CD47: variants seen among roughly 807,000 people sequenced by gnomAD.
The protein encoded by CD47 is CD47 molecule.
A neutral mutation model predicts 44.6 loss-of-function variants in CD47; 11 were observed. The observed-to-expected ratio is 0.25, with a 90% CI of 0.16 to 0.41. The LOEUF is 0.41. CD47 is among the 10% of genes least tolerant of loss of function. The pLI is 1.00. For missense variants in CD47, 306 were observed against 386.7 expected, an observed-to-expected ratio of 0.79 and a Z score of 1.75; for synonymous variants, 140 against 136.3, an observed-to-expected ratio of 1.03 and a Z score of -0.19.
rs575921253 is a variant in CD47, at chr3:108,073,957, A to T, written c.401-2775T>A. On this transcript the variant is annotated intron_variant, in intron 2 of 10. Transcript: ENST00000361309. Reference sequence around the variant, plus strand: ...AATGGGGATCCCGAAACCATGAGCAATGGCTAAAAGAACAGAGATTTTCAT... The same window carrying T: ...AATGGGGATCCCGAAACCATGAGCATTGGCTAAAAGAACAGAGATTTTCAT... Among the ~76,000 whole-genome samples the T allele has an allele frequency of 1.1e-4, 17 of 152,344 alleles. No individual in the cohort carries two copies. The South Asian group carries it at 3.5e-3, about 32-fold the overall frequency.
chr3:108,062,711 C>T (rs1206324064), intron 3 of CD47, among the ~76,000 whole-genome samples: 1 of 150,532 alleles, frequency 6.6e-6, no homozygotes. Context: ...GGCACAATCT[C>T]GGCTCACTGC....
intron 2 of CD47, among the ~76,000 whole-genome samples, chr3:108,072,315 C>G (rs1242755330): frequency 6.6e-6 from 1 of 152,140 alleles, no homozygotes; most frequent in Non-Finnish European, 1.5e-5. Flanking sequence ...TCTCAGGTCA[C>G]AGGTGAGGAA....
intron 6 of CD47, among the ~76,000 whole-genome samples, 193 bp from the exon 7 acceptor site, chr3:108,057,762 T>C (rs1176096613): frequency 6.6e-6 from 1 of 152,160 alleles, no homozygotes; most frequent in African/African-American, 2.4e-5. Context: ...GCATAACACA[T>C]ACCTTATCAT....
chr3:108,051,810 T>A, intron 8 of CD47, 129 bp downstream of exon 8: 1 of 753,610 alleles, frequency 1.3e-6, no homozygotes, highest in South Asian at 1.4e-5. Flanking sequence ...GCAAAGGTCA[T>A]GCAATGACTT....
At chr3:108,053,892 A>G (rs960543549) in intron 7 of CD47, 14 of 152,240 alleles carry the variant, frequency 9.2e-5, no homozygotes, top group Admixed American at 2.0e-4. Context: ...CAATAAACTA[A>G]GCAGAAATAC....
intron 10 of CD47, 70 bp from the exon 11 acceptor site, chr3:108,047,362 A>ATTT (rs2078737131): frequency 7.6e-7 from 1 of 1,308,540 alleles, no homozygotes; most frequent in Non-Finnish European, 1.1e-6. Context: ...AAGTTGACAC[A>ATTT]TTAAAAAAAG....
chr3:108,069,855 G>C (rs536813563), intron 3 of CD47, among the ~76,000 whole-genome samples: 1 of 152,282 alleles, frequency 6.6e-6, no homozygotes, highest in African/African-American at 2.4e-5. Context: ...ATTGATGCCA[G>C]AATAGGTCTT....
At chr3:108,078,434 T>C (rs2079352362) in intron 2 of CD47, among the ~76,000 whole-genome samples, 2 of 152,134 alleles carry the variant, frequency 1.3e-5, no homozygotes, top group East Asian at 3.9e-4. Context: ...AGTTTTCCAG[T>C]TTACCTCTCA....
At chr3:108,074,447 G>T (rs2079267970) in intron 2 of CD47, among the ~76,000 whole-genome samples, 1 of 152,022 alleles carries the variant, frequency 6.6e-6, no homozygotes, top group African/African-American at 2.4e-5. Flanking sequence ...CCAAGTAGCT[G>T]GGATTATAGG....
chr3:108,072,509 T>C (rs1053339081), intron 2 of CD47, among the ~76,000 whole-genome samples: 3 of 152,208 alleles, frequency 2.0e-5, no homozygotes, highest in Admixed American at 2.0e-4. Flanking sequence ...AGAGACTCCA[T>C]ATGTTTGCTG....
At chr3:108,061,885 T>C (rs1182224211) in intron 3 of CD47, among the ~76,000 whole-genome samples, 1 of 152,206 alleles carries the variant, frequency 6.6e-6, no homozygotes, top group Non-Finnish European at 1.5e-5. Flanking sequence ...ATTTAGCATT[T>C]AGTTTTTTTT....
rs761086667 is a variant in CD47 at position 108,058,367 on chromosome 3, C to A, written c.754G>T (p.Ala252Ser). ...ATACAGAGACTCAGTCCAACCACAGCGAGGATATAGGCTATCACCTGAATA... is the reference window on the plus strand; with the variant it reads ...ATACAGAGACTCAGTCCAACCACAGAGAGGATATAGGCTATCACCTGAATA... Reference protein sequence around the residue: ...LVIQVIAYILAVVGLSLCIAA... With the variant: ...LVIQVIAYILSVVGLSLCIAA... Residue 252 changes from alanine to serine, a missense_variant, in exon 6 of 11, where the codon GCT becomes TCT. This residue lies in a region of CD47 where 131 missense variants were observed against 135.3 expected (regional missense o/e 0.97). Transcript: ENST00000361309. 9 of 1,564,776 alleles carry A rather than the reference C, an allele frequency of 5.8e-6. No homozygotes were observed. The African/African-American group carries it at 9.4e-5, about 16-fold the overall frequency.
At chr3:108,065,439 C>T (rs2079086411) in intron 3 of CD47, among the ~76,000 whole-genome samples, 1 of 152,044 alleles carries the variant, frequency 6.6e-6, no homozygotes, top group Non-Finnish European at 1.5e-5. Context: ...CACATAAGCA[C>T]ATTATTTAAT....
At chr3:108,065,897 G>A (rs1412924500) in intron 3 of CD47, among the ~76,000 whole-genome samples, 1 of 149,394 alleles carries the variant, frequency 6.7e-6, no homozygotes, top group Non-Finnish European at 1.5e-5. Context: ...CCATCAACCA[G>A]GTCACAGAAT....
intron 4 of CD47, among the ~76,000 whole-genome samples, 171 bp downstream of exon 4, chr3:108,060,574 G>A (rs752001018): frequency 4.6e-5 from 7 of 152,240 alleles, no homozygotes; most frequent in Non-Finnish European, 7.4e-5. Context: ...CCCTGATGAC[G>A]TCCTGATTTC....
intron 2 of CD47, among the ~76,000 whole-genome samples, chr3:108,075,550 C>T (rs577131903): frequency 5.9e-5 from 9 of 152,194 alleles, no homozygotes; most frequent in Admixed American, 3.3e-4. Flanking sequence ...TCTGATGTGT[C>T]GACTTGCTAG....
intron 10 of CD47, among the ~76,000 whole-genome samples, 193 bp downstream of exon 10, chr3:108,049,426 T>C (rs114487073): frequency 0.016 from 2,364 of 152,332 alleles, 39 homozygotes; most frequent in Non-Finnish European, 0.023. Flanking sequence ...CGTGACACCC[T>C]ACAGTTTTTA....
rs72948528 is a variant in CD47 at position 108,059,377 on chromosome 3, G to T, written c.691+75C>A. 170 of 663,294 alleles carry T rather than the reference G, an allele frequency of 2.6e-4. No individual in the cohort carries two copies. The African/African-American group carries it at 2.9e-3, about 11-fold the overall frequency. The allele number at this position is 663,294 out of a possible 1,614,324, so 41.1% of individuals were successfully genotyped here. On this transcript the variant is annotated intron_variant, in intron 5 of 10. Coordinates refer to ENST00000361309, the MANE Select transcript of CD47 (RefSeq NM_001777.4). The stretch of plus-strand genomic sequence containing the variant: ...TTATTGAGTTGTAAAAAATTTATAT[G>T]AGCATTTTCACCAAAACTGCTGTTT...
intron 1 of CD47, among the ~76,000 whole-genome samples, chr3:108,087,385 C>T (rs1380209204): frequency 1.3e-5 from 2 of 151,950 alleles, no homozygotes; most frequent in Non-Finnish European, 2.9e-5. Context: ...ATGGAAGAGG[C>T]CAACTTAGAA....
Sources: allele counts gnomAD v4.1 joint callset (sites outside exome capture counted in the v4.1 genomes callset), GRCh38; gene constraint gnomAD v4.1.1; regional missense constraint gnomAD v4.1.1; transcripts MANE v1.5; gene names NCBI Gene and HGNC (gene_info 2026-07-23, HGNC 2026-07-21).